The following PSD3 variants were observed in gnomAD, a reference collection of about 807,000 sequenced individuals.
The protein encoded by PSD3 is pleckstrin and Sec7 domain containing 3.
A neutral mutation model predicts 105.5 loss-of-function variants in PSD3; 49 were observed. The ratio of observed to expected loss-of-function variants is 0.46; its 90% confidence interval spans 0.37 to 0.59. The LOEUF (loss-of-function observed/expected upper bound fraction) is 0.59. Ranked by LOEUF, PSD3 falls within the 20% of genes least tolerant of loss-of-function variation. The pLI is 0.00. For synonymous variants in PSD3, 557 were observed against 457.8 expected (o/e 1.22, Z -2.77); for missense variants, 1,561 against 1,263.8 (o/e 1.24, Z -3.57).
At chr8:19,078,527 G>T (rs147731987) in intron 1 of PSD3, among the ~76,000 whole-genome samples, 208 of 152,060 alleles carry the variant, frequency 1.4e-3, no homozygotes, top group African/African-American at 4.8e-3. Flanking sequence ...GCATTGACTG[G>T]GTTGGCTGTC....
rs1800544139 is a variant in PSD3, at chr8:18,684,253, C to G, written c.2173-28568G>C. 1.6e-5 allele frequency: 3 copies of G among 191,530 alleles called. No individual in the cohort carries two copies. The South Asian group carries it at 5.3e-4, about 34-fold the overall frequency. 11.9% of individuals were successfully genotyped at this position (191,530 alleles called of 1,614,324 possible). A position where few individuals can be genotyped will look rare whatever the true frequency, so the allele number is the denominator to read the frequency against. ...ACACACACACACACACACACACACC[C>G]CATCATATTCACACACTGGAACGAA... On this transcript the variant is annotated intron_variant, in intron 9 of 15. Coordinates refer to ENST00000327040, the MANE Select transcript of PSD3 (RefSeq NM_015310.4).
intron 6 of PSD3, chr8:18,803,104 G>A: frequency 5.3e-6 from 1 of 187,552 alleles, no homozygotes; most frequent in South Asian, 6.8e-5. Flanking sequence ...TGGCCAATAT[G>A]GCAAAACCTC....
intron 10 of PSD3, among the ~76,000 whole-genome samples, chr8:18,652,262 G>T (rs1181886946): frequency 6.6e-6 from 1 of 151,998 alleles, no homozygotes; most frequent in Non-Finnish European, 1.5e-5. Flanking sequence ...TATATATATA[G>T]GAAGAATTTT....
chr8:18,658,825 AG>A, intron 9 of PSD3, among the ~76,000 whole-genome samples: 1 of 152,252 alleles, frequency 6.6e-6, no homozygotes, highest in East Asian at 1.9e-4. Flanking sequence ...AGTATGCTCT[AG>A]TAGCCTCAGG....
chr8:18,876,209 C>A (rs770483286), intron 2 of PSD3, among the ~76,000 whole-genome samples: 2 of 152,060 alleles, frequency 1.3e-5, no homozygotes, highest in South Asian at 2.1e-4. Context: ...TACAGGTATG[C>A]GCCACTGAGC....
chr8:18,818,096 G>C (rs1812371116), intron 4 of PSD3, among the ~76,000 whole-genome samples: 1 of 152,094 alleles, frequency 6.6e-6, no homozygotes, highest in Non-Finnish European at 1.5e-5. Flanking sequence ...TGGGACTACA[G>C]GCACCTGCCA....
chr8:19,001,424 C>G (rs1460036366), intron 1 of PSD3, among the ~76,000 whole-genome samples: 1 of 150,870 alleles, frequency 6.6e-6, no homozygotes, highest in Non-Finnish European at 1.5e-5. Context: ...CCATTATTAT[C>G]AACCCCCACC....
At position 18,729,539 on chromosome 8, in the gene PSD3, C is replaced by T. The variant is rs535674612; in HGVS notation, c.2172+35910G>A. Among the ~76,000 whole-genome samples the T allele has an allele frequency of 2.4e-4, 37 of 152,172 alleles. 2 individuals are homozygous for T. The South Asian group carries it at 6.6e-3, about 27-fold the overall frequency. On this transcript the variant is annotated intron_variant, in intron 9 of 15. Coordinates refer to ENST00000327040, the MANE Select transcript of PSD3 (RefSeq NM_015310.4). ...AAAGTAGCATGCAACAACCATAAAA[C>T]GAATAAACAAAAGTCAAAGCTCCTA... is the stretch of plus-strand genomic sequence containing the variant.
intron 1 of PSD3, among the ~76,000 whole-genome samples, chr8:18,961,427 G>A (rs1310530402): frequency 3.3e-5 from 5 of 152,302 alleles, no homozygotes; most frequent in African/African-American, 9.6e-5. Context: ...GGTGGCTCAC[G>A]CCTATAATCC....
intron 9 of PSD3, among the ~76,000 whole-genome samples, chr8:18,684,897 C>G (rs1213466470): frequency 6.6e-6 from 1 of 152,196 alleles, no homozygotes; most frequent in African/African-American, 2.4e-5. Flanking sequence ...GAATCACAAA[C>G]TGGAGATTAC....
intron 9 of PSD3, among the ~76,000 whole-genome samples, chr8:18,732,645 C>G (rs1436446027): frequency 6.6e-6 from 1 of 152,158 alleles, no homozygotes; most frequent in African/African-American, 2.4e-5. Context: ...CATGGTGGCT[C>G]CGAAACTGCC....
At chr8:18,747,130 C>T (rs1805095707) in intron 9 of PSD3, among the ~76,000 whole-genome samples, 2 of 152,320 alleles carry the variant, frequency 1.3e-5, no homozygotes, top group South Asian at 2.1e-4. Context: ...ATAATGCCCC[C>T]ACATCTTCAA....
intron 4 of PSD3, among the ~76,000 whole-genome samples, chr8:18,831,356 T>G (rs1314936692): frequency 6.6e-6 from 1 of 152,224 alleles, no homozygotes; most frequent in Non-Finnish European, 1.5e-5. Context: ...ATTAGTCATA[T>G]AGTAATTTCA....
chr8:18,843,135 C>T (rs1359467798), intron 4 of PSD3, among the ~76,000 whole-genome samples: 3 of 151,986 alleles, frequency 2.0e-5, no homozygotes, highest in African/African-American at 4.8e-5. Context: ...CCGAGACGGG[C>T]GGATCACGAG....
At chr8:18,564,806 T>C (rs1801629829) in intron 14 of PSD3, among the ~76,000 whole-genome samples, 1 of 151,974 alleles carries the variant, frequency 6.6e-6, no homozygotes, top group African/African-American at 2.4e-5. Flanking sequence ...ACCACTGCCT[T>C]GTGGTCATAC....
At chr8:18,706,915 G>A (rs1801939109) in intron 9 of PSD3, among the ~76,000 whole-genome samples, 1 of 152,014 alleles carries the variant, frequency 6.6e-6, no homozygotes, top group Non-Finnish European at 1.5e-5. Flanking sequence ...TTAATAAACT[G>A]GCATTTAAAT....
chr8:19,030,882 C>A (rs1470543840), intron 1 of PSD3, among the ~76,000 whole-genome samples: 1 of 152,180 alleles, frequency 6.6e-6, no homozygotes, highest in Admixed American at 6.5e-5. Flanking sequence ...AAGCTGCTTT[C>A]TCTTTCAAGT....
intron 1 of PSD3, among the ~76,000 whole-genome samples, chr8:19,007,360 C>T (rs796988711): frequency 2.0e-5 from 3 of 152,092 alleles, no homozygotes; most frequent in African/African-American, 7.2e-5. Context: ...TAGTTACTAG[C>T]GGCCTGAAGC....
chr8:18,567,842 C>T (rs1258681429), intron 14 of PSD3, among the ~76,000 whole-genome samples: 7 of 152,140 alleles, frequency 4.6e-5, no homozygotes, highest in African/African-American at 7.2e-5. Context: ...TTGTCCCCTC[C>T]GAATCTCATG....
Sources: allele counts gnomAD v4.1 joint callset (sites outside exome capture counted in the v4.1 genomes callset), GRCh38; gene constraint gnomAD v4.1.1; transcripts MANE v1.5; gene names NCBI Gene and HGNC (gene_info 2026-07-23, HGNC 2026-07-21).